SPON1: variants seen among roughly 807,000 people sequenced by gnomAD.
SPON1 encodes spondin 1, also known as spondin-1.
Under a neutral mutation model 111.7 loss-of-function variants are expected in SPON1, and 52 were observed. The ratio of observed to expected loss-of-function variants is 0.47; its 90% CI spans 0.37 to 0.59. The LOEUF is 0.59. Among genes scored for constraint, SPON1 ranks in the 20% least tolerant of loss-of-function variants. The probability of loss-of-function intolerance (pLI) is 0.00; values close to 1 mark genes in which losing one functional copy is unlikely to be tolerated. For synonymous variants in SPON1, 410 were observed against 395.8 expected (o/e 1.04, Z -0.43); for missense variants, 957 against 1,068.5 (o/e 0.90, Z 1.46).
At position 14,266,030 on chromosome 11, in the gene SPON1, A is replaced by C. The variant is rs1849263654; in HGVS notation, c.*343A>C. On this transcript the variant is annotated 3_prime_UTR_variant, in exon 16 of 16. Coordinates refer to ENST00000576479, the MANE Select transcript of SPON1 (RefSeq NM_006108.4). Reference sequence around the variant, plus strand: ...GGAGAGGCAACCATGTCTGGAAGTGACTATGCCTGAGTCCCAGGGTGCGGC... The same window carrying C: ...GGAGAGGCAACCATGTCTGGAAGTGCCTATGCCTGAGTCCCAGGGTGCGGC... 4.9e-6 allele frequency: 1 copy of C among 204,048 alleles called. No individual in the cohort carries two copies. The highest frequency in any genetic ancestry group is 1.0e-5 in the Non-Finnish European group (1 of 99,784). The allele number at this position is 204,048 out of a possible 1,614,324, so 12.6% of individuals were successfully genotyped here. A position where few individuals can be genotyped will look rare whatever the true frequency, so the allele number is the denominator to read the frequency against.
chr11:14,037,692 A>T (rs1325904821), intron 2 of SPON1, among the ~76,000 whole-genome samples: 1 of 152,220 alleles, frequency 6.6e-6, no homozygotes, highest in Non-Finnish European at 1.5e-5. Context: ...TTTAAGTACA[A>T]CACCAAAAGC....
chr11:14,086,224 G>A (rs1849005245), intron 5 of SPON1, among the ~76,000 whole-genome samples: 1 of 152,046 alleles, frequency 6.6e-6, no homozygotes, highest in Admixed American at 6.6e-5. Flanking sequence ...GTCTTGTGCT[G>A]GTTTTCAAGG....
At chr11:14,250,190 CCAATT>C (rs1173103058) in intron 7 of SPON1, among the ~76,000 whole-genome samples, 15 of 152,302 alleles carry the variant, frequency 9.8e-5, no homozygotes, top group Middle Eastern at 6.8e-3. Flanking sequence ...ATTTTTCTCT[CCAATT>C]CAGTACTGCT....
In SPON1 at chr11:14,262,842, T is replaced by C. The variant is rs184781526; in HGVS notation, c.2127T>C (p.Thr709=). Residue 709 remains threonine, a synonymous_variant, in exon 15 of 16, where the codon ACT becomes ACC. Coordinates refer to ENST00000576479, the MANE Select transcript of SPON1 (RefSeq NM_006108.4). The stretch of plus-strand genomic sequence containing the variant: ...TTGGAGGTGCACCCTGCCCAGAGAC[T>C]GTGCAGCGAAAAAAGTGCCGCATCC... ...PQFGGAPCPE[T]VQRKKCRIRK... The C allele has an allele frequency of 9.5e-5, 153 of 1,613,856 alleles. No individual in the cohort carries two copies. In the African/African-American group the frequency reaches 1.8e-3, roughly 19 times the overall value.
chr11:14,168,533 A>G (rs1241657056), intron 6 of SPON1, among the ~76,000 whole-genome samples: 1 of 152,086 alleles, frequency 6.6e-6, no homozygotes, highest in East Asian at 1.9e-4. Context: ...TTTAAGTTTT[A>G]GGGTACATGT....
intron 6 of SPON1, among the ~76,000 whole-genome samples, chr11:14,138,716 A>AT (rs1847619825): frequency 1.3e-5 from 2 of 152,184 alleles, no homozygotes; most frequent in African/African-American, 4.8e-5. Context: ...AAAACACTTC[A>AT]TCCCACTAAG....
chr11:14,234,797 A>C (rs1848843699), intron 6 of SPON1, among the ~76,000 whole-genome samples: 1 of 152,238 alleles, frequency 6.6e-6, no homozygotes, highest in Admixed American at 6.5e-5. Flanking sequence ...TCGAAATTAC[A>C]AGCTGTGTTT....
intron 6 of SPON1, among the ~76,000 whole-genome samples, chr11:14,162,712 C>G (rs550883695): frequency 6.6e-6 from 1 of 152,212 alleles, no homozygotes; most frequent in East Asian, 1.9e-4. Context: ...AAGATTTTAC[C>G]AAATTATGTA....
At chr11:14,169,994 C>T (rs536414330) in intron 6 of SPON1, among the ~76,000 whole-genome samples, 35 of 152,196 alleles carry the variant, frequency 2.3e-4, no homozygotes, top group South Asian at 4.2e-4. Context: ...TTTTTGGTTC[C>T]GTATGAACTT....
chr11:14,238,333 G>A (rs1848888816), intron 6 of SPON1, among the ~76,000 whole-genome samples: 1 of 152,088 alleles, frequency 6.6e-6, no homozygotes, highest in East Asian at 1.9e-4. Flanking sequence ...GCAAAGGAAT[G>A]TTTAGGATGA....
chr11:14,160,975 T>TATATATTTA (rs1564919834), intron 6 of SPON1, among the ~76,000 whole-genome samples: 2 of 48,722 alleles, frequency 4.1e-5, no homozygotes, highest in Non-Finnish European at 6.9e-5. Flanking sequence ...ATATATATTT[T>TATATATTTA]TATATATTTA....
chr11:14,224,385 T>C (rs1236802439), intron 6 of SPON1, among the ~76,000 whole-genome samples: 8 of 151,676 alleles, frequency 5.3e-5, no homozygotes, highest in Non-Finnish European at 1.0e-4. Flanking sequence ...ATTACCTAGG[T>C]GAGAAAGGGT....
At chr11:14,041,188 C>T (rs1035032612) in intron 2 of SPON1, among the ~76,000 whole-genome samples, 1 of 152,166 alleles carries the variant, frequency 6.6e-6, no homozygotes. Flanking sequence ...GATTACCCCT[C>T]CCCCATCCTC....
At chr11:14,039,592 C>T (rs1199798668) in intron 2 of SPON1, among the ~76,000 whole-genome samples, 2 of 151,886 alleles carry the variant, frequency 1.3e-5, no homozygotes, top group Non-Finnish European at 2.9e-5. Flanking sequence ...AAAATAAACT[C>T]CAAATGGATT....
intron 6 of SPON1, among the ~76,000 whole-genome samples, chr11:14,242,758 C>T (rs1295026479): frequency 6.6e-6 from 1 of 152,194 alleles, no homozygotes; most frequent in Non-Finnish European, 1.5e-5. Context: ...GTGCTTTATT[C>T]ACCATCCAAA....
intron 3 of SPON1, among the ~76,000 whole-genome samples, chr11:14,061,650 A>G (rs531899354): frequency 3.3e-5 from 5 of 152,378 alleles, no homozygotes; most frequent in African/African-American, 1.2e-4. Context: ...ATTAACTACC[A>G]GGCCTAAACA....
intron 2 of SPON1, among the ~76,000 whole-genome samples, chr11:13,983,686 G>T (rs1223874740): frequency 6.6e-6 from 1 of 152,228 alleles, no homozygotes; most frequent in Non-Finnish European, 1.5e-5. Flanking sequence ...CCGGCAAGTT[G>T]TCAGAACACA....
At chr11:14,155,472 C>G (rs1253514696) in intron 6 of SPON1, among the ~76,000 whole-genome samples, 1 of 150,426 alleles carries the variant, frequency 6.6e-6, no homozygotes, top group Non-Finnish European at 1.5e-5. Flanking sequence ...AGGGGAGGTG[C>G]CACACACATC....
intron 3 of SPON1, among the ~76,000 whole-genome samples, chr11:14,060,147 A>G (rs2133822739): frequency 6.6e-6 from 1 of 152,314 alleles, no homozygotes; most frequent in South Asian, 2.1e-4. Flanking sequence ...ATTGTGAGAA[A>G]TTGAAGCTCA....
Sources: gnomAD v4.1 joint callset for allele counts (sites outside exome capture counted in the v4.1 genomes callset) on GRCh38, gnomAD v4.1.1 for gene constraint, MANE v1.5 for transcripts, NCBI Gene and HGNC (gene_info 2026-07-23, HGNC 2026-07-21) for gene names.